RNF38: variants seen among roughly 807,000 people sequenced by gnomAD.
RNF38 encodes the protein ring finger protein 38, also known as E3 ubiquitin-protein ligase RNF38.
RNF38 carries 15 observed loss-of-function variants against 67.2 expected under a neutral mutation model. The ratio of observed to expected loss-of-function variants is 0.22; its 90% CI spans 0.15 to 0.34. The LOEUF (loss-of-function observed/expected upper bound fraction) is 0.34. Among genes scored for constraint, RNF38 ranks in the 10% least tolerant of loss-of-function variants. The pLI is 1.00. For missense variants in RNF38, 524 were observed against 639.9 expected (o/e 0.82, Z 1.95); for synonymous variants, 220 against 218.8 (o/e 1.01, Z -0.05).
chr9:36,470,750 C>A (rs892751935), intron 1 of RNF38, among the ~76,000 whole-genome samples: 1 of 152,130 alleles, frequency 6.6e-6, no homozygotes, highest in Non-Finnish European at 1.5e-5. Context: ...AACAAGGACA[C>A]CTTCACCAAC....
At chr9:36,368,423 G>T (rs1249101376) in intron 4 of RNF38, among the ~76,000 whole-genome samples, 1 of 152,054 alleles carries the variant, frequency 6.6e-6, no homozygotes, top group Admixed American at 6.6e-5. Context: ...AGCCTAGTAT[G>T]TATTTCTCTG....
intron 1 of RNF38, among the ~76,000 whole-genome samples, chr9:36,473,191 T>C (rs981229707): frequency 6.6e-6 from 1 of 151,846 alleles, no homozygotes; most frequent in Non-Finnish European, 1.5e-5. Flanking sequence ...CTGGGCACAG[T>C]TGGGGGTGCC....
intron 1 of RNF38, among the ~76,000 whole-genome samples, chr9:36,438,026 G>A (rs1839108697): frequency 6.6e-6 from 1 of 152,164 alleles, no homozygotes; most frequent in African/African-American, 2.4e-5. Flanking sequence ...GCTCACTGCA[G>A]CCTCAACCTC....
chr9:36,481,251 G>A (rs1401694147), intron 1 of RNF38, among the ~76,000 whole-genome samples: 2 of 152,008 alleles, frequency 1.3e-5, no homozygotes. Context: ...CTGAGCTCAG[G>A]TGATCCACCC....
chr9:36,358,033 C>T lies in RNF38; in HGVS notation c.571-91G>A, dbSNP rs1338021554. 8 of 987,210 alleles carry T rather than the reference C, an allele frequency of 8.1e-6. No individual in the cohort carries two copies. The African/African-American group carries it at 1.3e-4, about 16-fold the overall frequency. The allele number at this position is 987,210 out of a possible 1,614,324, so 61.2% of individuals were successfully genotyped here. A position where few individuals can be genotyped will look rare whatever the true frequency, so the allele number is the denominator to read the frequency against. ...AACATTTGGTCATTTATTGGCTCCT[C>T]TCTCAGCTACACGGATTTTCACAAT... On this transcript the variant is annotated intron_variant, in intron 4 of 11. Coordinates refer to ENST00000259605, the MANE Select transcript of RNF38 (RefSeq NM_022781.5).
Position 36,354,047 on chromosome 9 carries a change from A to C in RNF38, c.910-716T>G, listed in dbSNP as rs529339118. On this transcript the variant is annotated intron_variant, in intron 6 of 11. Coordinates refer to ENST00000259605, the MANE Select transcript of RNF38 (RefSeq NM_022781.5). ...ATATAACTGACATATGATAAAAGGAATTCAACTGAATGGATTTTTGGTATA... is the reference window on the plus strand; with the variant it reads ...ATATAACTGACATATGATAAAAGGACTTCAACTGAATGGATTTTTGGTATA... Among the ~76,000 whole-genome samples, 15 of 152,352 alleles carry C rather than the reference A, an allele frequency of 9.8e-5. No individual in the cohort carries two copies. In the East Asian group the frequency reaches 2.9e-3, roughly 29 times the overall value.
chr9:36,359,379 G>A (rs12376663), intron 4 of RNF38, among the ~76,000 whole-genome samples: 28,674 of 151,186 alleles, frequency 0.19, 3,279 homozygotes, highest in Non-Finnish European at 0.26. Context: ...TTAGTTTTTC[G>A]TATTCCAAAA....
intron 1 of RNF38, among the ~76,000 whole-genome samples, chr9:36,450,184 ACT>A (rs140490879): frequency 6.6e-6 from 1 of 151,714 alleles, no homozygotes; most frequent in African/African-American, 2.4e-5. Context: ...AACCATCATC[ACT>A]CTATTTCCAA....
chr9:36,474,885 T>C (rs900891396), intron 1 of RNF38, among the ~76,000 whole-genome samples: 3 of 147,950 alleles, frequency 2.0e-5, no homozygotes, highest in African/African-American at 7.5e-5. Flanking sequence ...CTCACGCCTG[T>C]AATCCCAGCA....
intron 3 of RNF38, among the ~76,000 whole-genome samples, chr9:36,371,824 T>A (rs752066922): frequency 1.3e-5 from 2 of 152,174 alleles, no homozygotes; most frequent in Admixed American, 6.5e-5. Flanking sequence ...CTTATGACTC[T>A]GTGTTCATAC....
intron 1 of RNF38, among the ~76,000 whole-genome samples, chr9:36,393,477 T>TACG (rs1554689571): frequency 2.3e-5 from 2 of 87,760 alleles, no homozygotes; most frequent in Non-Finnish European, 5.0e-5. Flanking sequence ...CACACACACA[T>TACG]TGTGTGTGTG....
chr9:36,385,436 T>A (rs1836541790), intron 2 of RNF38, among the ~76,000 whole-genome samples: 1 of 150,234 alleles, frequency 6.7e-6, no homozygotes, highest in South Asian at 2.1e-4. Context: ...TGGAGTGCAA[T>A]GGCGCGATCT....
chr9:36,442,342 CT>C (rs1162307082), intron 1 of RNF38, among the ~76,000 whole-genome samples: 2 of 152,180 alleles, frequency 1.3e-5, no homozygotes, highest in Non-Finnish European at 2.9e-5. Flanking sequence ...ACTATTGGAG[CT>C]TGGGGGTTCA....
intron 4 of RNF38, among the ~76,000 whole-genome samples, chr9:36,366,697 C>T (rs1279724315): frequency 6.6e-6 from 1 of 152,186 alleles, no homozygotes; most frequent in Non-Finnish European, 1.5e-5. Flanking sequence ...AGTCAGCATC[C>T]TGGTTTATTC....
rs770655510 is a variant in RNF38, at chr9:36,344,862, T to C, written c.1355A>G (p.Asn452Ser). Residue 452 changes from asparagine (N) to serine (S), a missense_variant, in exon 10 of 12, where the codon AAT becomes AGT. Physicochemically the swap from Asn to Ser is conservative, Grantham distance 46. Around this residue, in one of 2 missense-constraint regions of RNF38, gnomAD observed 63 missense variants for 122.5 expected, o/e 0.51. Coordinates refer to ENST00000259605, the MANE Select transcript of RNF38 (RefSeq NM_022781.5). ...DIEQLPSYRF[N>S]PNNHQSEQTL... ...CTGTTCTGACTGGTGGTTGTTAGGATTGAACCGATAAGAAGGAAGTTGTTC... is the reference window on the plus strand; with the variant it reads ...CTGTTCTGACTGGTGGTTGTTAGGACTGAACCGATAAGAAGGAAGTTGTTC... 27 of 1,613,986 alleles carry C rather than the reference T, an allele frequency of 1.7e-5. No homozygotes were observed. In the East Asian group the frequency reaches 2.7e-4, roughly 16 times the overall value.
At chr9:36,440,805 G>GA (rs1372710317) in intron 1 of RNF38, among the ~76,000 whole-genome samples, 8 of 152,082 alleles carry the variant, frequency 5.3e-5, no homozygotes, top group South Asian at 2.1e-4. Flanking sequence ...ATAACAAAAG[G>GA]AAAAAACCAC....
intron 4 of RNF38, among the ~76,000 whole-genome samples, chr9:36,359,282 T>C (rs1834347072): frequency 6.6e-6 from 1 of 152,086 alleles, no homozygotes; most frequent in South Asian, 2.1e-4. Context: ...TTTTGTGATT[T>C]TTTTTTTTAA....
chr9:36,358,681 ACT>A (rs747899808), intron 4 of RNF38, among the ~76,000 whole-genome samples: 6 of 152,076 alleles, frequency 3.9e-5, no homozygotes, highest in Non-Finnish European at 5.9e-5. Flanking sequence ...ATTGTTTTCA[ACT>A]CTTTTGCCAA....
rs1024931421 is a variant in RNF38 at position 36,336,726 on chromosome 9, G to A, written c.*3026C>T. The A allele has an allele frequency of 2.0e-5, 3 of 152,440 alleles. No homozygotes were observed. The highest frequency in any genetic ancestry group is 7.2e-5 in the African/African-American group (3 of 41,392). 9.4% of individuals were successfully genotyped at this position (152,440 alleles called of 1,614,324 possible). A position where few individuals can be genotyped will look rare whatever the true frequency, so the allele number is the denominator to read the frequency against. On this transcript the variant is annotated 3_prime_UTR_variant, in exon 12 of 12. Transcript: ENST00000259605. ...TGAGGTAACCAAATGTACCAACAGGGGGACAAACAAACAGCTTTCTAATGA... is the reference window on the plus strand; with the variant it reads ...TGAGGTAACCAAATGTACCAACAGGAGGACAAACAAACAGCTTTCTAATGA...
Sources: allele counts gnomAD v4.1 joint callset (sites outside exome capture counted in the v4.1 genomes callset), GRCh38; gene constraint gnomAD v4.1.1; regional missense constraint gnomAD v4.1.1; transcripts MANE v1.5; gene names NCBI Gene and HGNC (gene_info 2026-07-23, HGNC 2026-07-21).